Variants in ABCA6 observed in about 807,000 individuals in gnomAD.
The protein encoded by ABCA6 is ATP-binding cassette sub-family A member 6.
Under a neutral mutation model 191.2 loss-of-function variants are expected in ABCA6, and 164 were observed. The ratio of observed to expected loss-of-function variants is 0.86; its 90% CI spans 0.76 to 0.98. ABCA6 has a LOEUF of 0.98. ABCA6 is among the 50% of genes least tolerant of loss of function. ABCA6 has a pLI of 0.00. For synonymous variants in ABCA6, 636 were observed against 647.7 expected, an observed-to-expected ratio of 0.98 and a Z score of 0.27; for missense variants, 1,958 against 1,894.1, an observed-to-expected ratio of 1.03 and a Z score of -0.63.
intron 23 of ABCA6, among the ~76,000 whole-genome samples, 196 bp from the exon 24 acceptor site, chr17:69,096,997 C>G (rs190240928): frequency 1.3e-5 from 2 of 152,164 alleles, no homozygotes; most frequent in Non-Finnish European, 2.9e-5. Flanking sequence ...AGGTGTCTAT[C>G]AAAAATAAAA....
chr17:69,080,811 G>C (rs2072612156), intron 37 of ABCA6, among the ~76,000 whole-genome samples: 1 of 152,250 alleles, frequency 6.6e-6, no homozygotes. Context: ...GGGATGCCAT[G>C]GTTTCACAGT....
At chr17:69,134,266 A>G (rs1049804082) in intron 5 of ABCA6, among the ~76,000 whole-genome samples, 1 of 152,080 alleles carries the variant, frequency 6.6e-6, no homozygotes, top group Non-Finnish European at 1.5e-5. Context: ...TTGTGATGGT[A>G]TTAGGAGGGA....
At position 69,123,313 on chromosome 17, in the gene ABCA6, T is replaced by C; in HGVS notation, c.1362A>G (p.Glu454=). 2 of 1,576,672 alleles carry C rather than the reference T, an allele frequency of 1.3e-6. No homozygotes were observed. Among genetic ancestry groups the C allele is most frequent in the Non-Finnish European group, 1.7e-6 (2 of 1,156,788 alleles). The change falls in exon 10 of 39, where the codon GAA becomes GAG. Residue 454 remains glutamate, a synonymous_variant. Transcript: ENST00000284425. ...QRTNAKVIEK[E]IDAEHPSDDY... is the part of the protein sequence containing the mutation. The stretch of plus-strand genomic sequence containing the variant: ...CATCAGAGGGATGCTCAGCATCGAT[T>C]TCTTTCTCAATAACCTTAGCATTAG...
intron 30 of ABCA6, among the ~76,000 whole-genome samples, chr17:69,086,227 C>T (rs1344576156): frequency 6.6e-6 from 1 of 152,122 alleles, no homozygotes; most frequent in East Asian, 1.9e-4. Context: ...CCGCTAAAAA[C>T]TCTCCAATGG....
chr17:69,140,498 T>TA, intron 2 of ABCA6, 110 bp downstream of exon 2: 6 of 519,536 alleles, frequency 1.2e-5, no homozygotes, highest in African/African-American at 2.0e-5. Flanking sequence ...AGAGAACTGG[T>TA]AAAATCAATA....
Position 69,127,774 on chromosome 17 carries a change from C to T in ABCA6, c.1119+845G>A, listed in dbSNP as rs140806644. On this transcript the variant is annotated intron_variant, in intron 8 of 38. Transcript: ENST00000284425. The stretch of plus-strand genomic sequence containing the variant: ...CCCACTATTCTGTTTGTTATATTAA[C>T]GTAATGAACAGAATGAAATGTCCAT... 4.4e-3 allele frequency among the ~76,000 whole-genome samples: 673 copies of T among 152,060 alleles called. 4 individuals carry two copies. Among genetic ancestry groups the T allele is most frequent in the African/African-American group, 0.015 (633 of 41,520 alleles).
rs763965425 is a variant in ABCA6 at position 69,107,775 on chromosome 17, T to A, written c.2310A>T (p.Gly770=). ...ACATGGAAATGTCATAACCTGTCAC[T>A]CCCTGGTCAGAACACTTATCCAGAT... The part of the protein sequence containing the change: ...FSDLDKCSDQ[G]VTGYDISMST... The change falls in exon 18 of 39, where the codon GGA becomes GGT. Residue 770 remains glycine (G), a synonymous_variant. Transcript: ENST00000284425. The A allele has an allele frequency of 5.0e-6, 8 of 1,612,616 alleles. No homozygotes were observed. The highest frequency in any genetic ancestry group is 6.8e-6 in the Non-Finnish European group (8 of 1,179,296).
At chr17:69,083,374 T>A in intron 34 of ABCA6, 43 bp from the exon 35 acceptor site, 1 of 1,516,968 alleles carries the variant, frequency 6.6e-7, no homozygotes, top group Non-Finnish European at 8.8e-7. Flanking sequence ...AATAACTAAG[T>A]GCAGAAGAAA....
Position 69,114,916 on chromosome 17 carries a change from TTA to T in ABCA6, c.1626_1627del (p.Asn542LysfsTer5). 1 of 1,610,608 alleles carries T rather than the reference TTA, an allele frequency of 6.2e-7. No homozygotes were observed. The highest frequency in any genetic ancestry group is 8.5e-7 in the Non-Finnish European group (1 of 1,177,968). On this transcript the variant is annotated frameshift_variant, in exon 13 of 39. Transcript: ENST00000284425. LOFTEE classifies it high-confidence loss of function. ...CAAGTCTTGCATTTCAGAGAGATTT[TTA>T]TTATAGATGGTAACTGATCCTAAGA...
At chr17:69,114,355 A>C (rs1598037114) in intron 13 of ABCA6, among the ~76,000 whole-genome samples, 1 of 142,914 alleles carries the variant, frequency 7.0e-6, no homozygotes, top group Non-Finnish European at 1.5e-5. Context: ...ATAGGTGGGA[A>C]TTGAACAATG....
rs2072713564 is a variant in ABCA6 at position 69,084,262 on chromosome 17, A to C, written c.4354T>G (p.Trp1452Gly). Residue 1452 changes from tryptophan (W) to glycine (G), a missense_variant and splice_region_variant, in exon 34 of 39, where the codon TGG (tryptophan) becomes GGG (glycine). Transcript: ENST00000284425. ...GIDPTGQQQM[W>G]QAIQAVVKNT... Reference sequence around the variant, plus strand: ...GCTCTGGGGTATAATGATGCTCACCACATTTGCTGCTGCCCTGTGGGGTCT... The same window carrying C: ...GCTCTGGGGTATAATGATGCTCACCCCATTTGCTGCTGCCCTGTGGGGTCT... 1.2e-6 allele frequency: 2 copies of C among 1,614,036 alleles called. No individual in the cohort carries two copies. The highest frequency in any genetic ancestry group is 1.7e-6 in the Non-Finnish European group (2 of 1,179,914).
In ABCA6 at chr17:69,113,046, A is replaced by T. The variant is rs538789254; in HGVS notation, c.2041+176T>A. On this transcript the variant is annotated intron_variant, in intron 15 of 38. Coordinates refer to ENST00000284425, the MANE Select transcript of ABCA6 (RefSeq NM_080284.3). ...TTTTCATTAGTTGTCACTACCTAGC[A>T]AATGTACAACCAGAAAGGAATTCCA... 1.8e-5 allele frequency: 11 copies of T among 607,924 alleles called. No homozygotes were observed. In the African/African-American group the frequency reaches 1.9e-4, roughly 11 times the overall value. The allele number at this position is 607,924 out of a possible 1,614,324, so 37.7% of individuals were successfully genotyped here.
In ABCA6 at chr17:69,105,681, A is replaced by T. The variant is rs556069846; in HGVS notation, c.2574-53T>A. Reference sequence around the variant, plus strand: ...TAATCTCCAGGAATTTTATTTATTTAGTAAGACATTCCACAAGTATTTGTT... The same window carrying T: ...TAATCTCCAGGAATTTTATTTATTTTGTAAGACATTCCACAAGTATTTGTT... On this transcript the variant is annotated intron_variant, in intron 19 of 38. Transcript: ENST00000284425. 7.0e-6 allele frequency: 9 copies of T among 1,279,362 alleles called. No homozygotes were observed. In the African/African-American group the frequency reaches 1.3e-4, roughly 19 times the overall value. The allele number at this position is 1,279,362 out of a possible 1,614,324, so 79.3% of individuals were successfully genotyped here.
In ABCA6 at chr17:69,113,269, A is replaced by G; in HGVS notation, c.1994T>C (p.Val665Ala). 1.2e-6 allele frequency: 2 copies of G among 1,606,082 alleles called. No individual in the cohort carries two copies. The highest frequency in any genetic ancestry group is 1.7e-6 in the Non-Finnish European group (2 of 1,177,640). The stretch of plus-strand genomic sequence containing the variant: ...CATGGACTGGGTACTGAAAAGGATC[A>G]CATGATCTGCTCTACGCTCTCTCAG... ...SLLRERRADH[V>A]ILFSTQSMDE... is the part of the protein sequence containing the mutation. Residue 665 changes from valine to alanine, a missense_variant, in exon 15 of 39, where the codon GTG becomes GCG. Val to Ala is a moderately conservative substitution (Grantham distance 64, BLOSUM62 0). Coordinates refer to ENST00000284425, the MANE Select transcript of ABCA6 (RefSeq NM_080284.3).
intron 37 of ABCA6, among the ~76,000 whole-genome samples, chr17:69,079,823 T>C (rs1055832873): frequency 4.6e-5 from 7 of 152,232 alleles, no homozygotes; most frequent in Non-Finnish European, 7.3e-5. Flanking sequence ...TGATATAGTT[T>C]GCATTTTAGT....
rs201195974 is a variant in ABCA6, at chr17:69,123,274, T to C, written c.1401A>G (p.Pro467=). Residue 467 remains proline (P), a synonymous_variant, in exon 10 of 39, where the codon CCA becomes CCG. Coordinates refer to ENST00000284425, the MANE Select transcript of ABCA6 (RefSeq NM_080284.3). ...CTTTTCCTTGGAATTCAGGAGCTAC[T>C]GGTTCAAAATAATCATCAGAGGGAT... The part of the protein sequence containing the change: ...AEHPSDDYFE[P]VAPEFQGKEA... The C allele has an allele frequency of 1.1e-5, 16 of 1,521,608 alleles. No homozygotes were observed. The East Asian group carries it at 2.4e-4, about 22-fold the overall frequency. The allele number at this position is 1,521,608 out of a possible 1,614,324, so 94.3% of individuals were successfully genotyped here. A position where few individuals can be genotyped will look rare whatever the true frequency, so the allele number is the denominator to read the frequency against.
At chr17:69,100,655 C>T in intron 22 of ABCA6, 142 bp downstream of exon 22, 1 of 901,984 alleles carries the variant, frequency 1.1e-6, no homozygotes, top group Non-Finnish European at 1.6e-6. Context: ...GTTTTGTTTG[C>T]TATAACCCAT....
chr17:69,098,306 A>T (rs2090806856), intron 22 of ABCA6: 1 of 323,434 alleles, frequency 3.1e-6, no homozygotes. Flanking sequence ...TCATACCAAC[A>T]ATACTCACAA....
In ABCA6 at chr17:69,102,984, TAA is replaced by T; in HGVS notation, c.2741-18_2741-17del. On this transcript the variant is annotated splice_polypyrimidine_tract_variant and intron_variant, in intron 20 of 38. Coordinates refer to ENST00000284425, the MANE Select transcript of ABCA6 (RefSeq NM_080284.3). ...ATATTTGATTCTAATATGAAGTTAA[TAA>T]GAGAAGGCCATAGAAAAGTAAGAAA... 2 of 1,459,366 alleles carry T rather than the reference TAA, an allele frequency of 1.4e-6. No individual in the cohort carries two copies. Among genetic ancestry groups the T allele is most frequent in the Non-Finnish European group, 1.9e-6 (2 of 1,060,246 alleles). The allele number at this position is 1,459,366 out of a possible 1,614,324, so 90.4% of individuals were successfully genotyped here.
Sources: gnomAD v4.1 joint callset for allele counts (sites outside exome capture counted in the v4.1 genomes callset) on GRCh38, gnomAD v4.1.1 for gene constraint, MANE v1.5 for transcripts, NCBI Gene and HGNC (gene_info 2026-07-23, HGNC 2026-07-21) for gene names.